The following IYD variants were observed in gnomAD, a reference collection of about 807,000 sequenced individuals.
IYD encodes the protein iodotyrosine deiodinase.
In IYD, 25 loss-of-function variants were observed where a neutral mutation model predicts 28.4. The ratio of observed to expected loss-of-function variants is 0.88; its 90% confidence interval spans 0.64 to 1.23. The LOEUF (loss-of-function observed/expected upper bound fraction) is 1.23, where lower values mean the gene tolerates loss of function less well. IYD is among the 50% of genes most tolerant of loss of function. IYD has a pLI of 0.00. For synonymous variants in IYD, 140 were observed against 130.8 expected (o/e 1.07, Z -0.48); for missense variants, 352 against 357.9 (o/e 0.98, Z 0.13).
At chr6:150,369,265 T>C (rs1049625784) in intron 1 of IYD, 56 bp downstream of exon 1, 2 of 1,533,346 alleles carry the variant, frequency 1.3e-6, no homozygotes, top group Non-Finnish European at 1.8e-6. Flanking sequence ...TGATGATGAG[T>C]GTGAGTCAAT....
At chr6:150,388,061 A>T (rs1326014276) in intron 1 of IYD, among the ~76,000 whole-genome samples, 1 of 151,900 alleles carries the variant, frequency 6.6e-6, no homozygotes, top group East Asian at 1.9e-4. Context: ...ATTGCATTTG[A>T]TGGGTTGCTG....
chr6:150,370,481 G>T (rs530447865), intron 1 of IYD: 1 of 985,198 alleles, frequency 1.0e-6, no homozygotes, highest in Non-Finnish European at 1.2e-6. Flanking sequence ...GGACCGGGGC[G>T]CAGGGTGTCC....
intron 1 of IYD, among the ~76,000 whole-genome samples, chr6:150,372,856 C>A (rs190200030): frequency 2.6e-5 from 4 of 152,192 alleles, no homozygotes; most frequent in Non-Finnish European, 5.9e-5. Flanking sequence ...AGGTTGGTGT[C>A]CTGTTAATAC....
intron 1 of IYD, among the ~76,000 whole-genome samples, chr6:150,381,283 T>C (rs918185171): frequency 6.6e-5 from 10 of 152,212 alleles, no homozygotes; most frequent in African/African-American, 1.9e-4. Flanking sequence ...AGGATCTAAG[T>C]TTCCACTGTA....
chr6:150,392,918 C>T (rs542330972), intron 3 of IYD, among the ~76,000 whole-genome samples: 1 of 152,142 alleles, frequency 6.6e-6, no homozygotes, highest in Admixed American at 6.5e-5. Context: ...GCTTCCTCAA[C>T]TCCAGGAAAG....
intron 1 of IYD, among the ~76,000 whole-genome samples, chr6:150,386,342 A>C (rs1246345919): frequency 1.3e-5 from 2 of 151,678 alleles, no homozygotes; most frequent in Non-Finnish European, 2.9e-5. Context: ...AATATTTTCT[A>C]ATTTTCTTTA....
At chr6:150,392,304 C>A (rs755158772) in intron 2 of IYD, 41 bp from the exon 3 acceptor site, 1 of 1,611,218 alleles carries the variant, frequency 6.2e-7, no homozygotes, top group Non-Finnish European at 8.5e-7. Flanking sequence ...CTCACACTTT[C>A]CTGCAGTTTT....
At chr6:150,375,493 T>C (rs369456532) in intron 1 of IYD, among the ~76,000 whole-genome samples, 42 of 152,336 alleles carry the variant, frequency 2.8e-4, no homozygotes, top group South Asian at 1.2e-3. Flanking sequence ...ATAGATCCTA[T>C]CTATCTCAAA....
At position 150,399,997 on chromosome 6, in the gene IYD, T is replaced by A. The variant is rs536906067; in HGVS notation, c.*1760T>A. 6 of 152,336 alleles carry A rather than the reference T, an allele frequency of 3.9e-5. No homozygotes were observed. The highest frequency in any genetic ancestry group is 3.3e-4 in the Admixed American group (5 of 15,302). 9.4% of individuals were successfully genotyped at this position (152,336 alleles called of 1,614,324 possible). A position where few individuals can be genotyped will look rare whatever the true frequency, so the allele number is the denominator to read the frequency against. ...AGGGTTTGGCATGCTGCTCGGTACATGGTTAACATTCATAAATGGTGGGGG... is the reference window on the plus strand; with the variant it reads ...AGGGTTTGGCATGCTGCTCGGTACAAGGTTAACATTCATAAATGGTGGGGG... On this transcript the variant is annotated 3_prime_UTR_variant, in exon 5 of 5. Coordinates refer to ENST00000344419, the MANE Select transcript of IYD (RefSeq NM_203395.3).
intron 1 of IYD, among the ~76,000 whole-genome samples, chr6:150,376,638 T>G (rs1777454497): frequency 6.6e-6 from 1 of 152,124 alleles, no homozygotes; most frequent in Non-Finnish European, 1.5e-5. Flanking sequence ...TCTTTTCTTT[T>G]CTTAATAGAT....
intron 4 of IYD, among the ~76,000 whole-genome samples, chr6:150,394,931 G>C (rs1778256243): frequency 6.6e-6 from 1 of 152,176 alleles, no homozygotes; most frequent in South Asian, 2.1e-4. Flanking sequence ...GGGCTTAAGT[G>C]ATCCTCCCAC....
intron 1 of IYD, among the ~76,000 whole-genome samples, chr6:150,386,404 A>G (rs1777862821): frequency 6.6e-6 from 1 of 151,216 alleles, no homozygotes. Context: ...GTTTAATTGC[A>G]TTACAGTCAG....
intron 1 of IYD, among the ~76,000 whole-genome samples, chr6:150,381,111 C>T (rs180729461): frequency 6.6e-6 from 1 of 152,308 alleles, no homozygotes; most frequent in African/African-American, 2.4e-5. Context: ...GCAAAAGTAC[C>T]TATGGCCAGT....
At chr6:150,381,594 C>A (rs1419619916) in intron 1 of IYD, among the ~76,000 whole-genome samples, 3 of 152,164 alleles carry the variant, frequency 2.0e-5, no homozygotes, top group Non-Finnish European at 4.4e-5. Flanking sequence ...TTCATAAACA[C>A]CCATATGTCC....
rs1778482985 is a variant in IYD at position 150,400,659 on chromosome 6, C to T, written c.*2422C>T. On this transcript the variant is annotated 3_prime_UTR_variant, in exon 5 of 5. Coordinates refer to ENST00000344419, the MANE Select transcript of IYD (RefSeq NM_203395.3). ...AAGAATAAGAGGGGGACTGTCTTGT[C>T]CTTGCTACTCAAAGAGTGGTCCTGG... The T allele has an allele frequency of 6.6e-6, 1 of 152,198 alleles. No individual in the cohort carries two copies. Among genetic ancestry groups the T allele is most frequent in the Non-Finnish European group, 1.5e-5 (1 of 68,048 alleles). 9.4% of individuals were successfully genotyped at this position (152,198 alleles called of 1,614,324 possible).
At chr6:150,388,507 G>A (rs1409019348) in intron 1 of IYD, among the ~76,000 whole-genome samples, 4 of 152,120 alleles carry the variant, frequency 2.6e-5, no homozygotes, top group Non-Finnish European at 5.9e-5. Flanking sequence ...TTAGAGATCT[G>A]AGTGGTTTTC....
intron 3 of IYD, among the ~76,000 whole-genome samples, chr6:150,393,017 T>C (rs1248796264): frequency 6.6e-6 from 1 of 152,128 alleles, no homozygotes; most frequent in Non-Finnish European, 1.5e-5. Context: ...CGAAGCACAG[T>C]CCGCGTGCTC....
In IYD at chr6:150,399,442, G is replaced by A. The variant is rs574364565; in HGVS notation, c.*1205G>A. On this transcript the variant is annotated 3_prime_UTR_variant, in exon 5 of 5. Transcript: ENST00000344419. Reference sequence around the variant, plus strand: ...GGACTGATAGGGTCACAGTTGCCAGGTTGGGAATGCTAGATGTAGTCTTCA... The same window carrying A: ...GGACTGATAGGGTCACAGTTGCCAGATTGGGAATGCTAGATGTAGTCTTCA... 1.3e-5 allele frequency: 2 copies of A among 152,354 alleles called. No homozygotes were observed. The highest frequency in any genetic ancestry group is 3.9e-4 in the East Asian group (2 of 5,156). 9.4% of individuals were successfully genotyped at this position (152,354 alleles called of 1,614,324 possible).
chr6:150,383,775 A>G lies in IYD; in HGVS notation c.179-5577A>G, dbSNP rs1469025875. Among the ~76,000 whole-genome samples, 4 of 145,360 alleles carry G rather than the reference A, an allele frequency of 2.8e-5. No homozygotes were observed. In the East Asian group the frequency reaches 8.0e-4, roughly 29 times the overall value. On this transcript the variant is annotated intron_variant, in intron 1 of 4. Coordinates refer to ENST00000344419, the MANE Select transcript of IYD (RefSeq NM_203395.3). The stretch of plus-strand genomic sequence containing the variant: ...CCCAGGAGTTTGAGGCCCATGCAAC[A>G]TAATGAGACCAAGTCTCTAAAAAAA...
Sources: allele counts gnomAD v4.1 joint callset (sites outside exome capture counted in the v4.1 genomes callset), GRCh38; gene constraint gnomAD v4.1.1; transcripts MANE v1.5; gene names NCBI Gene and HGNC (gene_info 2026-07-23, HGNC 2026-07-21).